Variants in ACOT9 observed in about 807,000 individuals in gnomAD.
ACOT9 encodes acyl-CoA thioesterase 9.
A neutral mutation model predicts 39.7 loss-of-function variants in ACOT9; 34 were observed. The ratio of observed to expected loss-of-function variants is 0.86; its 90% CI spans 0.65 to 1.14. ACOT9 has a LOEUF of 1.14. Among genes scored for constraint, ACOT9 ranks in the 50% most tolerant of loss-of-function variants. The pLI is 0.00. For synonymous variants in ACOT9, 110 were observed against 120.5 expected (o/e 0.91, Z 0.57); for missense variants, 313 against 344.1 (o/e 0.91, Z 0.71).
intron 15 of ACOT9, 28 bp from the exon 16 acceptor site, chrX:23,704,010 G>GA: frequency 8.8e-7 from 1 of 1,134,782 alleles, no homozygotes; most frequent in Admixed American, 2.2e-5. Context: ...GAACCTTGGA[G>GA]AAACTTGTAA....
At chrX:23,725,539 T>C (rs1382211593) in intron 6 of ACOT9, among the ~76,000 whole-genome samples, 7 of 91,554 alleles carry the variant, frequency 7.6e-5, no homozygotes, top group East Asian at 3.8e-4. Context: ...AAAATAGGGC[T>C]GGGCGCAGTG....
chrX:23,713,054 A>C (rs1310359610), intron 9 of ACOT9, 81 bp downstream of exon 9: 7 of 819,263 alleles, frequency 8.5e-6, no homozygotes, highest in African/African-American at 2.0e-5. Flanking sequence ...AGGTATATGG[A>C]CATTCATTAT....
chrX:23,732,221 T>C (rs1214997693), intron 4 of ACOT9, among the ~76,000 whole-genome samples: 2 of 112,617 alleles, frequency 1.8e-5, no homozygotes, highest in African/African-American at 3.2e-5. Context: ...TATAAAAACA[T>C]TTTTGTTAAA....
chrX:23,727,373 T>C (rs1357513215), intron 6 of ACOT9, among the ~76,000 whole-genome samples: 1 of 111,187 alleles, frequency 9.0e-6, no homozygotes, highest in African/African-American at 3.3e-5. Flanking sequence ...TCAATCAGGC[T>C]GTAGTGCAGT....
chrX:23,704,928 A>G (rs915979994), intron 14 of ACOT9, 65 bp downstream of exon 14: 31 of 1,171,076 alleles, frequency 2.6e-5, no homozygotes, highest in Non-Finnish European at 3.5e-5. Flanking sequence ...TGGCTTTTTG[A>G]TATAGAAACT....
At chrX:23,742,509 T>C (rs1337740385) in intron 1 of ACOT9, among the ~76,000 whole-genome samples, 5 of 110,286 alleles carry the variant, frequency 4.5e-5, no homozygotes, top group African/African-American at 1.7e-4. Flanking sequence ...AGATTACATA[T>C]ACAAAAAGGC....
intron 9 of ACOT9, among the ~76,000 whole-genome samples, chrX:23,710,906 C>T (rs1374748666): frequency 9.1e-6 from 1 of 110,414 alleles, no homozygotes; most frequent in African/African-American, 3.3e-5. Context: ...GAGGCTGAGG[C>T]GGAAGGATTG....
intron 8 of ACOT9, among the ~76,000 whole-genome samples, chrX:23,719,171 G>A (rs1265384517): frequency 1.8e-5 from 2 of 110,600 alleles, no homozygotes; most frequent in Admixed American, 9.7e-5. Flanking sequence ...TTGGGAGGCT[G>A]AGGCATGAGA....
At chrX:23,735,794 T>C (rs2045718492) in intron 2 of ACOT9, 125 bp downstream of exon 2, 7 of 504,083 alleles carry the variant, frequency 1.4e-5, no homozygotes, top group African/African-American at 2.4e-5. Flanking sequence ...GTCAATGAAA[T>C]GTTTATGAAA....
At chrX:23,727,992 CTG>C (rs1445458803) in intron 6 of ACOT9, among the ~76,000 whole-genome samples, 1 of 90,062 alleles carries the variant, frequency 1.1e-5, no homozygotes, top group Non-Finnish European at 2.2e-5. Flanking sequence ...GAGTGAGACT[CTG>C]TCTCAAAAAA....
Position 23,705,552 on chromosome X carries a change from T to C in ACOT9, c.976A>G (p.Arg326Gly). 4.1e-6 allele frequency: 5 copies of C among 1,211,092 alleles called. No individual in the cohort carries two copies. The highest frequency in any genetic ancestry group is 5.6e-6 in the Non-Finnish European group (5 of 895,149). Residue 326 changes from arginine to glycine, a missense_variant, in exon 13 of 16, where the codon AGG becomes GGG. Transcript: ENST00000379303. ...GCCCACGCAAGTTCATATGCCTTCCTCATAAGGAAACCACCAAAGATCCGA... is the reference window on the plus strand; with the variant it reads ...GCCCACGCAAGTTCATATGCCTTCCCCATAAGGAAACCACCAAAGATCCGA... ...FNRIFGGFLM[R>G]KAYELAWATA...
chrX:23,719,537 T>C (rs1413343797), intron 8 of ACOT9, among the ~76,000 whole-genome samples: 1 of 88,122 alleles, frequency 1.1e-5, no homozygotes, highest in Non-Finnish European at 2.1e-5. Context: ...ACCAGTTTTG[T>C]GGTATACAAT....
At chrX:23,719,275 C>G (rs1027250948) in intron 8 of ACOT9, among the ~76,000 whole-genome samples, 1 of 111,383 alleles carries the variant, frequency 9.0e-6, no homozygotes, top group Non-Finnish European at 1.9e-5. Flanking sequence ...CTCAAACAAA[C>G]AAAATAAAAC....
chrX:23,735,517 T>C (rs1929923308), intron 2 of ACOT9, among the ~76,000 whole-genome samples: 1 of 111,680 alleles, frequency 9.0e-6, no homozygotes, highest in African/African-American at 3.2e-5. Context: ...ATCCATAGTT[T>C]ACGTATCATA....
chrX:23,702,967 A>G lies in ACOT9; in HGVS notation c.*927T>C, dbSNP rs979740519. On this transcript the variant is annotated 3_prime_UTR_variant, in exon 16 of 16. Transcript: ENST00000379303. ...TGCGGAGCCACTAGCAGAATGTGCT[A>G]AATAGCTGTCTGGTGAATGAAAGAA... 1.8e-5 allele frequency: 2 copies of G among 111,511 alleles called. No individual in the cohort carries two copies. Among genetic ancestry groups the G allele is most frequent in the Non-Finnish European group, 3.7e-5 (2 of 53,363 alleles). 9.2% of individuals were successfully genotyped at this position (111,511 alleles called of 1,213,427 possible).
rs764062915 is a variant in ACOT9 at position 23,717,002 on chromosome X, G to A, written c.589-3794C>T. On this transcript the variant is annotated intron_variant, in intron 8 of 15. Coordinates refer to ENST00000379303, the MANE Select transcript of ACOT9 (RefSeq NM_001037171.2). ...CCGCAGTAGCTGGGACTACGGGCAC[G>A]TGGCACCACCCCCAGCTAATTTTTG... 2.7e-5 allele frequency among the ~76,000 whole-genome samples: 3 copies of A among 111,503 alleles called. No individual in the cohort carries two copies. In the South Asian group the frequency reaches 1.1e-3, roughly 41 times the overall value.
At chrX:23,740,209 C>T (rs2146862819) in intron 1 of ACOT9, among the ~76,000 whole-genome samples, 1 of 107,446 alleles carries the variant, frequency 9.3e-6, no homozygotes, top group East Asian at 3.0e-4. Flanking sequence ...CGAGTTCAAG[C>T]GATTCTCCAG....
At chrX:23,739,574 C>T (rs902142585) in intron 1 of ACOT9, among the ~76,000 whole-genome samples, 12 of 111,261 alleles carry the variant, frequency 1.1e-4, no homozygotes, top group African/African-American at 3.6e-4. Context: ...GAGAGGCCAA[C>T]GCGGGAGGAT....
intron 2 of ACOT9, 100 bp from the exon 3 acceptor site, chrX:23,734,467 T>C (rs1171194854): frequency 1.1e-5 from 8 of 707,088 alleles, no homozygotes; most frequent in African/African-American, 6.5e-5. Flanking sequence ...TTTATGTGTT[T>C]TTCCTAGCAC....
Sources: allele counts gnomAD v4.1 joint callset (sites outside exome capture counted in the v4.1 genomes callset), GRCh38; gene constraint gnomAD v4.1.1; transcripts MANE v1.5; gene names NCBI Gene and HGNC (gene_info 2026-07-23, HGNC 2026-07-21).